UTP20: variants seen among roughly 807,000 people sequenced by gnomAD.
The protein encoded by UTP20 is UTP20 small subunit processome component.
UTP20 carries 164 observed loss-of-function variants against 329.5 expected under a neutral mutation model. The ratio of observed to expected loss-of-function variants is 0.50; its 90% CI spans 0.44 to 0.57. The LOEUF (loss-of-function observed/expected upper bound fraction) is 0.57, where lower values mean the gene tolerates loss of function less well. Among genes scored for constraint, UTP20 ranks in the 20% least tolerant of loss-of-function variants. The pLI, the probability that UTP20 is intolerant of heterozygous loss-of-function variation, is 0.00. For missense variants in UTP20, 3,055 were observed against 3,284.2 expected (o/e 0.93, Z 1.71); for synonymous variants, 1,151 against 1,159.3 (o/e 0.99, Z 0.14).
chr12:101,324,200 TACTGATTTGAGAGC>T (rs1453980652), intron 25 of UTP20, among the ~76,000 whole-genome samples: 1 of 149,682 alleles, frequency 6.7e-6, no homozygotes. Flanking sequence ...AAACTTTCTC[TACTGATTTGAGAGC>T]CACATTTATT....
At chr12:101,385,053 C>CT (rs954980498) in intron 60 of UTP20, among the ~76,000 whole-genome samples, 2 of 144,698 alleles carry the variant, frequency 1.4e-5, no homozygotes, top group Non-Finnish European at 3.0e-5. Context: ...GGAGAAATGG[C>CT]TTTTTTGTCA....
Position 101,375,719 on chromosome 12 carries a change from G to A in UTP20, c.7359G>A (p.Gln2453=). 1.3e-6 allele frequency: 2 copies of A among 1,599,126 alleles called. No homozygotes were observed. The highest frequency in any genetic ancestry group is 1.7e-6 in the Non-Finnish European group (2 of 1,169,576). ...TKLIKECNII[Q]FTKPAETLSK... ...TTATCAAGGAATGTAATATTATTCA[G>A]TTTACCAAACCCGCTGAGACTTTGA... The change falls in exon 56 of 62, where the codon CAG becomes CAA. Residue 2453 remains glutamine (Q), a synonymous_variant. Transcript: ENST00000261637.
chr12:101,288,885 A>G, intron 5 of UTP20, 75 bp from the exon 6 acceptor site: 1 of 1,320,050 alleles, frequency 7.6e-7, no homozygotes, highest in Non-Finnish European at 1.1e-6. Context: ...ATTGTTGCCC[A>G]TATTGTTGAC....
At chr12:101,319,422 A>G in intron 22 of UTP20, 123 bp from the exon 23 acceptor site, 3 of 659,140 alleles carry the variant, frequency 4.6e-6, no homozygotes, top group South Asian at 4.2e-5. Flanking sequence ...CCTTGTTTAT[A>G]TAATAGTGAA....
intron 27 of UTP20, 89 bp downstream of exon 27, chr12:101,329,538 C>A (rs1243889422): frequency 1.6e-6 from 2 of 1,270,496 alleles, no homozygotes; most frequent in Admixed American, 4.7e-5. Context: ...TATAAGGTAT[C>A]TTCCAACTCT....
intron 15 of UTP20, 106 bp downstream of exon 15, chr12:101,302,659 T>C (rs1872551400): frequency 1.5e-6 from 1 of 671,946 alleles, no homozygotes; most frequent in East Asian, 3.0e-5. Flanking sequence ...ATTTTATACC[T>C]GAGTTGTATT....
chr12:101,283,611 G>A (rs1287719364), intron 2 of UTP20, among the ~76,000 whole-genome samples: 3 of 152,106 alleles, frequency 2.0e-5, no homozygotes, highest in Non-Finnish European at 4.4e-5. Context: ...CTAGAAATGC[G>A]TTCTGCATTT....
intron 47 of UTP20, among the ~76,000 whole-genome samples, 164 bp downstream of exon 47, chr12:101,366,863 C>T (rs1870111931): frequency 6.6e-6 from 1 of 151,874 alleles, no homozygotes; most frequent in South Asian, 2.1e-4. Context: ...TACTATTTAT[C>T]TCTTGCAGCA....
chr12:101,285,741 C>T lies in UTP20; in HGVS notation c.194-8C>T, dbSNP rs200930643. On this transcript the variant is annotated splice_polypyrimidine_tract_variant and splice_region_variant and intron_variant, in intron 3 of 61. Transcript: ENST00000261637. ...AGAAAAGAACATATTTTTTTTTCCC[C>T]CACTCAGGAAAATTTTACAAAGAAG... 243 of 1,608,986 alleles carry T rather than the reference C, an allele frequency of 1.5e-4. 2 individuals are homozygous for T. Among genetic ancestry groups the T allele is most frequent in the Non-Finnish European group, 1.6e-5 (19 of 1,178,546 alleles).
chr12:101,342,577 T>C lies in UTP20; in HGVS notation c.4233T>C (p.Cys1411=). 1.2e-6 allele frequency: 2 copies of C among 1,611,800 alleles called. No homozygotes were observed. Among genetic ancestry groups the C allele is most frequent in the South Asian group, 1.1e-5 (1 of 90,456 alleles). ...IKNKLSRKLL[C]TVFETLSDFE... ...ACAAATTGTCAAGAAAATTGCTTTG[T>C]ACGGTTTTTGAGGTCTGTACTATTC... Residue 1411 remains cysteine (C), a synonymous_variant, in exon 33 of 62, where the codon TGT becomes TGC. Transcript: ENST00000261637.
chr12:101,363,406 T>C (rs1869990252), intron 44 of UTP20, among the ~76,000 whole-genome samples, 170 bp from the exon 45 acceptor site: 1 of 152,210 alleles, frequency 6.6e-6, no homozygotes, highest in South Asian at 2.1e-4. Flanking sequence ...GGTCCCTAAA[T>C]TGCATTGAAA....
At chr12:101,319,764 CT>C (rs540120041) in intron 23 of UTP20, 129 bp downstream of exon 23, 35,960 of 518,214 alleles carry the variant, frequency 0.069, no homozygotes, top group Middle Eastern at 0.094. Context: ...GTATTAAAGC[CT>C]TTTTTTTTTT....
chr12:101,354,025 C>T (rs930393827), intron 40 of UTP20, among the ~76,000 whole-genome samples: 1 of 152,058 alleles, frequency 6.6e-6, no homozygotes, highest in South Asian at 2.1e-4. Context: ...TTTTGGGAGG[C>T]CTACGCAGGT....
intron 12 of UTP20, among the ~76,000 whole-genome samples, chr12:101,298,626 G>A (rs1005427253): frequency 3.9e-5 from 6 of 152,058 alleles, no homozygotes; most frequent in African/African-American, 7.2e-5. Context: ...TCTAGAAAAC[G>A]GGAATGACGT....
intron 1 of UTP20, 131 bp from the exon 2 acceptor site, chr12:101,280,985 C>T: frequency 1.4e-6 from 1 of 692,210 alleles, no homozygotes; most frequent in Non-Finnish European, 2.3e-6. Flanking sequence ...TGTTTACGGC[C>T]GTATGTTTTT....
intron 58 of UTP20, 146 bp from the exon 59 acceptor site, chr12:101,382,895 C>A: frequency 1.1e-6 from 1 of 875,040 alleles, no homozygotes; most frequent in Non-Finnish European, 1.6e-6. Context: ...GAGCCTTCAT[C>A]ATTTAATAGT....
In UTP20 at chr12:101,302,433, T is replaced by G; in HGVS notation, c.1676-15T>G. ...GAAATAAGTAATGTGGTTTCTCCTG[T>G]TTTTCTGCCCTTAGGAAACTTATTT... On this transcript the variant is annotated splice_polypyrimidine_tract_variant and intron_variant, in intron 14 of 61. Coordinates refer to ENST00000261637, the MANE Select transcript of UTP20 (RefSeq NM_014503.3). 6.6e-7 allele frequency: 1 copy of G among 1,513,540 alleles called. No individual in the cohort carries two copies. Among genetic ancestry groups the G allele is most frequent in the East Asian group, 2.3e-5 (1 of 44,060 alleles). The allele number at this position is 1,513,540 out of a possible 1,614,324, so 93.8% of individuals were successfully genotyped here.
chr12:101,373,839 A>T, intron 54 of UTP20, 72 bp downstream of exon 54: 1 of 1,499,614 alleles, frequency 6.7e-7, no homozygotes, highest in Middle Eastern at 2.1e-4. Context: ...GTAAGAATAT[A>T]TGTCATACAC....
Position 101,366,618 on chromosome 12 carries a change from C to T in UTP20, c.6186C>T (p.Pro2062=). 2.5e-6 allele frequency: 4 copies of T among 1,614,168 alleles called. No homozygotes were observed. The highest frequency in any genetic ancestry group is 3.4e-6 in the Non-Finnish European group (4 of 1,180,028). The change falls in exon 47 of 62, where the codon CCC becomes CCT. Residue 2062 remains proline, a synonymous_variant. Coordinates refer to ENST00000261637, the MANE Select transcript of UTP20 (RefSeq NM_014503.3). ...CACCCCAGAGCTGCCTTCTGCTTCC[C>T]CCAACTCCAGTTCGAGGTGGACAGA... ...RLPPQSCLLL[P]PTPVRGGQKA...
Sources: allele counts gnomAD v4.1 joint callset (sites outside exome capture counted in the v4.1 genomes callset), GRCh38; gene constraint gnomAD v4.1.1; transcripts MANE v1.5; gene names NCBI Gene and HGNC (gene_info 2026-07-23, HGNC 2026-07-21).